OSBPL10: variants seen among roughly 807,000 people sequenced by gnomAD.
OSBPL10 encodes the protein oxysterol binding protein like 10.
A neutral mutation model predicts 81.7 loss-of-function variants in OSBPL10; 49 were observed. The observed-to-expected ratio is 0.60, with a 90% confidence interval of 0.48 to 0.76. The LOEUF is 0.76. Among genes scored for constraint, OSBPL10 ranks in the 30% least tolerant of loss-of-function variants. The pLI, the probability that OSBPL10 is intolerant of heterozygous loss-of-function variation, is 0.00. For synonymous variants in OSBPL10, 419 were observed against 383.6 expected, an observed-to-expected ratio of 1.09 and a Z score of -1.08; for missense variants, 923 against 987.8, an observed-to-expected ratio of 0.93 and a Z score of 0.88.
chr3:32,029,251 C>G (rs1699445161), intron 2 of OSBPL10, among the ~76,000 whole-genome samples: 1 of 152,140 alleles, frequency 6.6e-6, no homozygotes, highest in African/African-American at 2.4e-5. Flanking sequence ...AGGTTGCCTG[C>G]CAGGCCCTCT....
At chr3:31,904,784 G>A (rs1696354308) in intron 1 of OSBPL10, among the ~76,000 whole-genome samples, 1 of 152,120 alleles carries the variant, frequency 6.6e-6, no homozygotes, top group Non-Finnish European at 1.5e-5. Flanking sequence ...TTCCAATCTG[G>A]GTCTGAACCT....
At chr3:31,971,505 C>T (rs571342538) in intron 1 of OSBPL10, among the ~76,000 whole-genome samples, 1 of 152,284 alleles carries the variant, frequency 6.6e-6, no homozygotes, top group South Asian at 2.1e-4. Flanking sequence ...CTCAGTTGAT[C>T]CCCAAAACTC....
intron 3 of OSBPL10, among the ~76,000 whole-genome samples, chr3:31,864,933 G>A (rs1455653483): frequency 6.6e-6 from 1 of 152,046 alleles, no homozygotes. Context: ...GGACCACAGA[G>A]AACATTAGCT....
At chr3:31,978,457 A>G (rs1698743406) in intron 1 of OSBPL10, among the ~76,000 whole-genome samples, 1 of 152,190 alleles carries the variant, frequency 6.6e-6, no homozygotes, top group African/African-American at 2.4e-5. Context: ...TTCTATTTTT[A>G]TCCTCTTCTC....
At chr3:31,866,459 G>A (rs971889357) in intron 3 of OSBPL10, among the ~76,000 whole-genome samples, 5 of 152,196 alleles carry the variant, frequency 3.3e-5, no homozygotes, top group African/African-American at 1.2e-4. Context: ...CACCCACAGA[G>A]CATGCTCTCC....
intron 1 of OSBPL10, among the ~76,000 whole-genome samples, chr3:31,971,790 C>T (rs1255992200): frequency 6.6e-6 from 1 of 152,080 alleles, no homozygotes; most frequent in Non-Finnish European, 1.5e-5. Flanking sequence ...AACACAGATA[C>T]ATCCACTTAT....
intron 4 of OSBPL10, among the ~76,000 whole-genome samples, chr3:31,787,790 T>A (rs1698896871): frequency 6.6e-6 from 1 of 152,114 alleles, no homozygotes; most frequent in Non-Finnish European, 1.5e-5. Flanking sequence ...CTACATGCCT[T>A]CTAGGTGCAG....
intron 1 of OSBPL10, among the ~76,000 whole-genome samples, chr3:31,880,520 C>G (rs1374008157): frequency 6.6e-6 from 1 of 152,190 alleles, no homozygotes; most frequent in Non-Finnish European, 1.5e-5. Flanking sequence ...TTAATTTTCT[C>G]AAGCTATTAC....
chr3:31,685,175 T>C (rs1053376630), intron 7 of OSBPL10, among the ~76,000 whole-genome samples: 2 of 152,200 alleles, frequency 1.3e-5, no homozygotes, highest in Non-Finnish European at 2.9e-5. Flanking sequence ...CCTAGAGTGA[T>C]CTTAAATTAA....
chr3:31,943,967 C>CA (rs55770286), intron 1 of OSBPL10, among the ~76,000 whole-genome samples: 2,431 of 37,746 alleles, frequency 0.064, 319 homozygotes, highest in Non-Finnish European at 0.082. Context: ...GACTCCGTCT[C>CA]AAAAAAAAAA....
intron 6 of OSBPL10, among the ~76,000 whole-genome samples, chr3:31,706,190 G>A (rs1208307209): frequency 6.6e-6 from 1 of 152,178 alleles, no homozygotes; most frequent in Non-Finnish European, 1.5e-5. Context: ...GCAGGAAAAA[G>A]CTTCACGGGC....
intron 1 of OSBPL10, among the ~76,000 whole-genome samples, chr3:31,958,462 C>T (rs890853975): frequency 2.0e-5 from 3 of 151,894 alleles, no homozygotes; most frequent in East Asian, 3.9e-4. Flanking sequence ...ACTGGTATTG[C>T]GCACATCAGG....
chr3:32,077,631 T>A (rs767706101), upstream of OSBPL10: 1 of 152,154 alleles, frequency 6.6e-6, no homozygotes, highest in Non-Finnish European at 1.5e-5. Flanking sequence ...ACACTGCACA[T>A]GCTCACCTCC....
intron 1 of OSBPL10, among the ~76,000 whole-genome samples, chr3:31,927,370 T>C (rs905819182): frequency 6.6e-6 from 1 of 152,232 alleles, no homozygotes. Flanking sequence ...ATCAACTATT[T>C]AACTGTTTCC....
At chr3:32,011,910 A>G (rs539175216) in intron 2 of OSBPL10, among the ~76,000 whole-genome samples, 4 of 152,370 alleles carry the variant, frequency 2.6e-5, no homozygotes, top group African/African-American at 9.6e-5. Context: ...ATAAAAAGAA[A>G]TGAACAAAGC....
intron 4 of OSBPL10, among the ~76,000 whole-genome samples, chr3:31,783,123 A>T (rs1281377378): frequency 3.9e-5 from 1 of 25,588 alleles, no homozygotes; most frequent in Non-Finnish European, 1.1e-4. Flanking sequence ...ATATATATAT[A>T]TATATATATA....
intron 1 of OSBPL10, among the ~76,000 whole-genome samples, chr3:31,889,883 T>A: frequency 6.9e-6 from 1 of 145,454 alleles, no homozygotes; most frequent in South Asian, 2.2e-4. Context: ...GTATGTTGTA[T>A]GTCTCAAAAC....
intron 1 of OSBPL10, among the ~76,000 whole-genome samples, chr3:31,904,832 C>A (rs78427386): frequency 0.015 from 2,229 of 152,260 alleles, 53 homozygotes; most frequent in African/African-American, 0.047. Context: ...TGGTGTTTGG[C>A]CAGCGAGTTC....
At chr3:32,056,503 C>A (rs1559556185) in intron 1 of OSBPL10, among the ~76,000 whole-genome samples, 1 of 152,204 alleles carries the variant, frequency 6.6e-6, no homozygotes, top group Non-Finnish European at 1.5e-5. Flanking sequence ...GATAAGCTTA[C>A]TGTATGCTTG....
Sources: allele counts gnomAD v4.1 joint callset (sites outside exome capture counted in the v4.1 genomes callset), GRCh38; gene constraint gnomAD v4.1.1; transcripts MANE v1.5; gene names NCBI Gene and HGNC (gene_info 2026-07-23, HGNC 2026-07-21).